The following CAST variants were observed in gnomAD, a reference collection of about 807,000 sequenced individuals.
CAST encodes MIR583 host.
A neutral mutation model predicts 119.6 loss-of-function variants in CAST; 76 were observed. The observed-to-expected ratio is 0.64, with a 90% CI of 0.53 to 0.77. The LOEUF is 0.77. CAST is among the 30% of genes least tolerant of loss of function. The pLI, the probability that CAST is intolerant of heterozygous loss-of-function variation, is 0.00. For synonymous variants in CAST, 319 were observed against 331.6 expected, an observed-to-expected ratio of 0.96 and a Z score of 0.41; for missense variants, 953 against 946.5, an observed-to-expected ratio of 1.01 and a Z score of -0.09.
the CAST span, among the ~76,000 whole-genome samples, chr5:96,451,701 C>T: frequency 6.6e-6 from 1 of 152,180 alleles, no homozygotes; most frequent in African/African-American, 2.4e-5. Flanking sequence ...TCAGAGTGAA[C>T]AGGCAACCTA....
chr5:96,706,316 A>C (rs919222163), intron 3 of CAST, among the ~76,000 whole-genome samples: 1 of 151,930 alleles, frequency 6.6e-6, no homozygotes, highest in African/African-American at 2.4e-5. Context: ...TTCTTTCTTT[A>C]TTTTTTCCCT....
At chr5:96,564,229 C>T (rs1035920726) in intron 1 of CAST, among the ~76,000 whole-genome samples, 1 of 152,162 alleles carries the variant, frequency 6.6e-6, no homozygotes, top group African/African-American at 2.4e-5. Context: ...TTATGCCCGA[C>T]CAACTGTAAG....
At chr5:96,734,278 G>A (rs926350976) in intron 9 of CAST, among the ~76,000 whole-genome samples, 2 of 152,208 alleles carry the variant, frequency 1.3e-5, no homozygotes, top group Non-Finnish European at 2.9e-5. Context: ...TGTACATGTG[G>A]TGATTCAGCT....
chr5:96,334,876 T>C, the CAST span, among the ~76,000 whole-genome samples: 2 of 152,184 alleles, frequency 1.3e-5, no homozygotes, highest in African/African-American at 4.8e-5. Flanking sequence ...AAATGATATC[T>C]AAATTCATTA....
intron 1 of CAST, among the ~76,000 whole-genome samples, chr5:96,619,165 C>CAGGG (rs895404450): frequency 7.2e-5 from 11 of 151,812 alleles, no homozygotes; most frequent in African/African-American, 2.7e-4. Context: ...GTGTCTAGCT[C>CAGGG]AGGGATTGTA....
chr5:96,248,018 G>A, the CAST span: 2 of 152,206 alleles, frequency 1.3e-5, no homozygotes, highest in Admixed American at 1.3e-4. Context: ...CTGCTTACAG[G>A]TAATATATTC....
chr5:96,599,926 C>T (rs923583209), intron 1 of CAST, among the ~76,000 whole-genome samples: 1 of 144,418 alleles, frequency 6.9e-6, no homozygotes, highest in Non-Finnish European at 1.5e-5. Flanking sequence ...ATTTCCCCTT[C>T]TCATTTATCC....
At chr5:96,679,347 A>G (rs1039148377) in intron 2 of CAST, 1 of 152,262 alleles carries the variant, frequency 6.6e-6, no homozygotes, top group African/African-American at 2.4e-5. Context: ...CAAAAGTTGC[A>G]TGGACTAACA....
chr5:96,718,825 G>A (rs1409815181), intron 3 of CAST, among the ~76,000 whole-genome samples: 1 of 152,176 alleles, frequency 6.6e-6, no homozygotes, highest in East Asian at 1.9e-4. Flanking sequence ...GGATATGGGA[G>A]TGCTGCCAGT....
rs1391393980 is a variant in CAST at position 96,750,693 on chromosome 5, C to T, written c.1524+11C>T. 2.5e-6 allele frequency: 4 copies of T among 1,581,290 alleles called. No homozygotes were observed. Among genetic ancestry groups the T allele is most frequent in the Non-Finnish European group, 3.5e-6 (4 of 1,150,380 alleles). On this transcript the variant is annotated intron_variant, in intron 20 of 31. Coordinates refer to ENST00000675179, the MANE Select transcript of CAST (RefSeq NM_001750.7). ...GAGCCGGCTACCTTGGTGAGTGACT[C>T]CCTGGGCATTTGAGCAGTGGCTTGA... is the stretch of plus-strand genomic sequence containing the variant.
chr5:95,985,547 T>C, the CAST span, among the ~76,000 whole-genome samples: 1 of 152,220 alleles, frequency 6.6e-6, no homozygotes, highest in Admixed American at 6.5e-5. Flanking sequence ...TTTCATCTTT[T>C]GAGTCTGTGT....
the CAST span, among the ~76,000 whole-genome samples, chr5:95,990,233 A>C: frequency 6.6e-6 from 1 of 152,124 alleles, no homozygotes; most frequent in Non-Finnish European, 1.5e-5. Context: ...AAAATATAGT[A>C]TCATGTCCAG....
chr5:96,666,882 A>G (rs898646389), intron 1 of CAST, among the ~76,000 whole-genome samples: 1 of 151,976 alleles, frequency 6.6e-6, no homozygotes, highest in Non-Finnish European at 1.5e-5. Context: ...AGTTCTGACT[A>G]GATTGTCTCA....
the CAST span, among the ~76,000 whole-genome samples, chr5:96,171,854 G>A: frequency 5.3e-5 from 8 of 152,228 alleles, no homozygotes; most frequent in South Asian, 2.1e-4. Context: ...ACCAGAGGTC[G>A]TAAGTAGATC....
At chr5:96,022,465 G>A in the CAST span, among the ~76,000 whole-genome samples, 2 of 152,182 alleles carry the variant, frequency 1.3e-5, no homozygotes, top group Non-Finnish European at 2.9e-5. Context: ...TCTACCAGGT[G>A]TGCACAGCCA....
chr5:96,017,797 AT>A, the CAST span, among the ~76,000 whole-genome samples: 1 of 152,210 alleles, frequency 6.6e-6, no homozygotes, highest in African/African-American at 2.4e-5. Flanking sequence ...TAAGAAATTA[AT>A]TTTATTTGTA....
At chr5:96,553,551 C>A (rs532981163) in intron 1 of CAST, among the ~76,000 whole-genome samples, 2 of 152,216 alleles carry the variant, frequency 1.3e-5, no homozygotes, top group Admixed American at 6.5e-5. Flanking sequence ...GAAGTTCTGG[C>A]CAGGGCAATC....
chr5:96,403,900 A>G, the CAST span, among the ~76,000 whole-genome samples: 1 of 152,186 alleles, frequency 6.6e-6, no homozygotes, highest in Non-Finnish European at 1.5e-5. Flanking sequence ...CCAGGTTTTA[A>G]TAAGACCAGA....
At chr5:96,387,443 C>G in the CAST span, among the ~76,000 whole-genome samples, 1 of 152,158 alleles carries the variant, frequency 6.6e-6, no homozygotes, top group African/African-American at 2.4e-5. Context: ...CTCTGAGACA[C>G]CTGATGGGAT....
Sources: allele counts gnomAD v4.1 joint callset (sites outside exome capture counted in the v4.1 genomes callset), GRCh38; gene constraint gnomAD v4.1.1; transcripts MANE v1.5; gene names NCBI Gene and HGNC (gene_info 2026-07-23, HGNC 2026-07-21).